Variants in WDR7 observed in about 807,000 individuals in gnomAD.
WDR7 encodes the protein WD repeat domain 7, also known as WD repeat-containing protein 7.
A neutral mutation model predicts 169.4 loss-of-function variants in WDR7; 46 were observed. The ratio of observed to expected loss-of-function variants is 0.27; its 90% confidence interval spans 0.21 to 0.35. The LOEUF (loss-of-function observed/expected upper bound fraction) is 0.35, where lower values mean the gene tolerates loss of function less well. Ranked by LOEUF, WDR7 falls within the 10% of genes least tolerant of loss-of-function variation. The pLI is 1.00. For synonymous variants in WDR7, 612 were observed against 666.8 expected, an observed-to-expected ratio of 0.92 and a Z score of 1.27; for missense variants, 1,534 against 1,859.3, an observed-to-expected ratio of 0.83 and a Z score of 3.22.
At chr18:56,973,499 G>T (rs995713499) in intron 26 of WDR7, among the ~76,000 whole-genome samples, 4 of 151,842 alleles carry the variant, frequency 2.6e-5, no homozygotes, top group African/African-American at 7.3e-5. Flanking sequence ...TGTGTGGGGG[G>T]GGTGTATTCC....
At chr18:57,016,461 A>G (rs889057900) in intron 26 of WDR7, among the ~76,000 whole-genome samples, 13 of 152,238 alleles carry the variant, frequency 8.5e-5, no homozygotes, top group Non-Finnish European at 1.5e-4. Flanking sequence ...GATGAGACCT[A>G]CAAGTAAACA....
chr18:56,659,164 TA>T (rs1393474510), intron 1 of WDR7, among the ~76,000 whole-genome samples: 1 of 146,080 alleles, frequency 6.8e-6, no homozygotes, highest in Non-Finnish European at 1.5e-5. Context: ...GGCAGGAGCG[TA>T]GGTAAAACCT....
chr18:56,861,523 C>G (rs765809675), intron 20 of WDR7, among the ~76,000 whole-genome samples: 3 of 152,184 alleles, frequency 2.0e-5, no homozygotes, highest in Non-Finnish European at 4.4e-5. Flanking sequence ...CAGGTTAACT[C>G]TCTCTGGAGT....
chr18:56,907,506 C>T (rs986227403), intron 21 of WDR7, among the ~76,000 whole-genome samples: 1 of 152,088 alleles, frequency 6.6e-6, no homozygotes, highest in Non-Finnish European at 1.5e-5. Flanking sequence ...GTTTGATTTT[C>T]TGATCTGCCT....
At chr18:56,924,373 C>A (rs1299651355) in intron 22 of WDR7, among the ~76,000 whole-genome samples, 1 of 152,078 alleles carries the variant, frequency 6.6e-6, no homozygotes, top group Non-Finnish European at 1.5e-5. Flanking sequence ...TGAAGTATTA[C>A]TCACTAATAA....
intron 9 of WDR7, among the ~76,000 whole-genome samples, chr18:56,692,162 G>A (rs2025584916): frequency 6.6e-6 from 1 of 152,122 alleles, no homozygotes; most frequent in African/African-American, 2.4e-5. Context: ...TTTTAGAAGA[G>A]CACACATAGT....
intron 3 of WDR7, among the ~76,000 whole-genome samples, 183 bp from the exon 4 acceptor site, chr18:56,681,130 T>C (rs1204014969): frequency 6.6e-6 from 1 of 152,112 alleles, no homozygotes; most frequent in Non-Finnish European, 1.5e-5. Context: ...GTGGGCAGTT[T>C]GGAAGGGGTG....
At chr18:56,743,453 G>C (rs2043650034) in intron 14 of WDR7, among the ~76,000 whole-genome samples, 1 of 152,176 alleles carries the variant, frequency 6.6e-6, no homozygotes, top group South Asian at 2.1e-4. Context: ...AGAGCCAGGA[G>C]AATGGGCTAA....
intron 21 of WDR7, among the ~76,000 whole-genome samples, chr18:56,898,295 A>C (rs567964926): frequency 1.3e-5 from 2 of 152,234 alleles, no homozygotes; most frequent in African/African-American, 4.8e-5. Context: ...CAGCTCTTAC[A>C]GAAGGATTCT....
At chr18:56,692,406 A>G (rs987843155) in intron 9 of WDR7, among the ~76,000 whole-genome samples, 6 of 151,728 alleles carry the variant, frequency 4.0e-5, no homozygotes, top group Non-Finnish European at 7.4e-5. Flanking sequence ...AGCAGTAAGA[A>G]AGAAGCTTTG....
intron 26 of WDR7, among the ~76,000 whole-genome samples, chr18:57,012,433 A>G (rs529991842): frequency 2.0e-5 from 3 of 147,636 alleles, no homozygotes; most frequent in South Asian, 2.1e-4. Flanking sequence ...TCCATGCCAC[A>G]TGGGGTTGGG....
intron 4 of WDR7, among the ~76,000 whole-genome samples, 155 bp downstream of exon 4, chr18:56,681,546 G>C (rs546434205): frequency 6.6e-6 from 1 of 152,188 alleles, no homozygotes; most frequent in African/African-American, 2.4e-5. Flanking sequence ...AGTGTTCCTC[G>C]TAAGATGGTA....
At chr18:56,877,557 G>T (rs2118196) in intron 20 of WDR7, among the ~76,000 whole-genome samples, 127,510 of 152,096 alleles carry the variant, frequency 0.84, 53,574 homozygotes, top group East Asian at 0.98. Context: ...GAAAAGAAAA[G>T]TATAGACCAG....
At chr18:57,023,223 T>C (rs1410413634) in intron 27 of WDR7, among the ~76,000 whole-genome samples, 1 of 152,256 alleles carries the variant, frequency 6.6e-6, no homozygotes, top group Non-Finnish European at 1.5e-5. Context: ...GATCTACTGC[T>C]GCTCTCCCCA....
intron 21 of WDR7, among the ~76,000 whole-genome samples, chr18:56,897,246 A>T (rs2046343144): frequency 6.6e-6 from 1 of 151,972 alleles, no homozygotes; most frequent in African/African-American, 2.4e-5. Context: ...ACAATTGAGT[A>T]TATTATCTTG....
intron 14 of WDR7, among the ~76,000 whole-genome samples, chr18:56,751,349 T>C (rs2043788395): frequency 6.6e-6 from 1 of 152,236 alleles, no homozygotes; most frequent in Non-Finnish European, 1.5e-5. Context: ...GCTACCACTC[T>C]TGCCTCCTTT....
At chr18:56,653,018 T>C (rs2024688179) in intron 1 of WDR7, among the ~76,000 whole-genome samples, 1 of 152,192 alleles carries the variant, frequency 6.6e-6, no homozygotes, top group Non-Finnish European at 1.5e-5. Flanking sequence ...ATCGAAAATC[T>C]TCAAAGTAGT....
At chr18:56,982,361 C>T (rs1458423104) in intron 26 of WDR7, among the ~76,000 whole-genome samples, 1 of 152,180 alleles carries the variant, frequency 6.6e-6, no homozygotes, top group Non-Finnish European at 1.5e-5. Context: ...ACAACAAAGG[C>T]TTCCTTTTCA....
intron 22 of WDR7, among the ~76,000 whole-genome samples, chr18:56,927,463 A>T (rs557541636): frequency 2.7e-4 from 41 of 152,002 alleles, no homozygotes; most frequent in Admixed American, 1.6e-3. Flanking sequence ...AATAAATAAA[A>T]AATTAACAGG....
Sources: allele counts gnomAD v4.1 joint callset (sites outside exome capture counted in the v4.1 genomes callset), GRCh38; gene constraint gnomAD v4.1.1; transcripts MANE v1.5; gene names NCBI Gene and HGNC (gene_info 2026-07-23, HGNC 2026-07-21).